ZNF761: variants seen among roughly 807,000 people sequenced by gnomAD.
ZNF761 encodes the protein zinc finger protein 761.
In ZNF761, 43 loss-of-function variants were observed where a neutral mutation model predicts 59.9. The ratio of observed to expected loss-of-function variants is 0.72; its 90% CI spans 0.56 to 0.92. The LOEUF (loss-of-function observed/expected upper bound fraction) is 0.92, where lower values mean the gene tolerates loss of function less well. Ranked by LOEUF, ZNF761 falls within the 40% of genes least tolerant of loss-of-function variation. ZNF761 has a pLI of 0.00. For synonymous variants in ZNF761, 294 were observed against 304.8 expected, an observed-to-expected ratio of 0.96 and a Z score of 0.37; for missense variants, 850 against 906.1, an observed-to-expected ratio of 0.94 and a Z score of 0.79.
chr19:53,449,886 C>T, intron 4 of ZNF761: 1 of 803,330 alleles, frequency 1.2e-6, no homozygotes, highest in South Asian at 2.1e-5. Flanking sequence ...CAGACAGGGT[C>T]TTGCTGTGTT....
chr19:53,446,873 C>T (rs1015092550), intron 2 of ZNF761, among the ~76,000 whole-genome samples: 18 of 152,192 alleles, frequency 1.2e-4, no homozygotes, highest in African/African-American at 3.9e-4. Context: ...CTATCTGCCT[C>T]AGCCTCCCAG....
chr19:53,453,283 G>A (rs1201923330), intron 4 of ZNF761, among the ~76,000 whole-genome samples: 10 of 152,106 alleles, frequency 6.6e-5, no homozygotes, highest in Non-Finnish European at 1.2e-4. Context: ...ATTACAGACC[G>A]TGCCCGGCTG....
chr19:53,435,784 A>G (rs1264479208), intron 1 of ZNF761, among the ~76,000 whole-genome samples: 1 of 152,120 alleles, frequency 6.6e-6, no homozygotes, highest in Non-Finnish European at 1.5e-5. Flanking sequence ...CAGCATGTTC[A>G]TATCCAGCAA....
In ZNF761 at chr19:53,432,609, G is replaced by A. The variant is rs556599238; in HGVS notation, c.-185+581G>A. Among the ~76,000 whole-genome samples the A allele has an allele frequency of 7.2e-4, 110 of 152,278 alleles. 1 individual carries two copies. Among genetic ancestry groups the A allele is most frequent in the Non-Finnish European group, 1.2e-3 (81 of 68,022 alleles). On this transcript the variant is annotated intron_variant, in intron 1 of 4. Coordinates refer to ENST00000684525, the MANE Select transcript of ZNF761 (RefSeq NM_001289951.2). The stretch of plus-strand genomic sequence containing the variant: ...TGCCCAGCTCCAGCCCCTGGAAAAT[G>A]CGCTCCCCCGGGATGCAGGCGTCTT...
chr19:53,436,650 A>AT (rs2086045154), intron 1 of ZNF761, among the ~76,000 whole-genome samples: 1 of 152,142 alleles, frequency 6.6e-6, no homozygotes, highest in Admixed American at 6.6e-5. Flanking sequence ...CTTCTATTTT[A>AT]TTTTTAGCAG....
At chr19:53,433,447 GGCTTCGACTTC>G (rs2085999195) in intron 1 of ZNF761, among the ~76,000 whole-genome samples, 1 of 46,294 alleles carries the variant, frequency 2.2e-5, no homozygotes, top group South Asian at 6.3e-4. Context: ...CCATTTCTTT[GGCTTCGACTTC>G]GCCAAGTCGA....
chr19:53,436,414 C>T (rs7248917), intron 1 of ZNF761, among the ~76,000 whole-genome samples: 52,543 of 151,994 alleles, frequency 0.35, 9,332 homozygotes, highest in South Asian at 0.54. Flanking sequence ...TCTTGGAGAT[C>T]ACCTTTAATT....
rs147551128 is a variant in ZNF761 at position 53,439,413 on chromosome 19, C to A, written c.-184-6814C>A. On this transcript the variant is annotated intron_variant, in intron 1 of 4. Transcript: ENST00000684525. The stretch of plus-strand genomic sequence containing the variant: ...CTCTGCCTCCCTGGTTCACGCCATT[C>A]TCCTGCCTCAGCCTCCCGAATAGGT... Among the ~76,000 whole-genome samples, 1,424 of 152,112 alleles carry A rather than the reference C, an allele frequency of 9.4e-3. 30 individuals are homozygous for A. The highest frequency in any genetic ancestry group is 0.033 in the African/African-American group (1,353 of 41,506).
intron 1 of ZNF761, chr19:53,442,939 ACAT>A: frequency 3.0e-6 from 1 of 333,250 alleles, no homozygotes; most frequent in South Asian, 2.5e-5. Context: ...TAATCAGCTC[ACAT>A]CATTTTTTTC....
At chr19:53,440,555 G>C (rs558780627) in intron 1 of ZNF761, among the ~76,000 whole-genome samples, 29 of 152,322 alleles carry the variant, frequency 1.9e-4, no homozygotes, top group African/African-American at 6.7e-4. Context: ...TATTCAGCCA[G>C]AGGGCAGTGA....
intron 1 of ZNF761, chr19:53,442,893 A>G (rs2086115012): frequency 7.5e-6 from 3 of 402,186 alleles, no homozygotes; most frequent in South Asian, 2.1e-5. Context: ...AAAAAAATAC[A>G]TAATCACTTC....
chr19:53,455,599 T>G lies in ZNF761; in HGVS notation c.1092T>G (p.Ser364Arg). 1 of 1,613,828 alleles carries G rather than the reference T, an allele frequency of 6.2e-7. No individual in the cohort carries two copies. Residue 364 changes from serine (S) to arginine (R), a missense_variant, in exon 5 of 5, where the codon AGT becomes AGG. Ser to Arg is a moderately radical substitution (Grantham distance 110). Coordinates refer to ENST00000684525, the MANE Select transcript of ZNF761 (RefSeq NM_001289951.2). The part of the protein sequence containing the change: ...YKCNECGKTF[S>R]HKSSLTCHHR... The stretch of plus-strand genomic sequence containing the variant: ...GTAATGAGTGTGGCAAGACCTTTAG[T>G]CACAAGTCATCCCTTACATGCCATC...
intron 4 of ZNF761, among the ~76,000 whole-genome samples, chr19:53,452,927 T>G (rs533822677): frequency 1.3e-5 from 2 of 152,340 alleles, no homozygotes; most frequent in South Asian, 4.1e-4. Context: ...GCATCATATT[T>G]TTTATGTTTT....
At chr19:53,453,223 C>T (rs2086236198) in intron 4 of ZNF761, among the ~76,000 whole-genome samples, 3 of 152,188 alleles carry the variant, frequency 2.0e-5, no homozygotes, top group South Asian at 2.1e-4. Flanking sequence ...AAGCTACTCT[C>T]GAACTCCTGA....
At chr19:53,454,441 C>T (rs577504314) in intron 4 of ZNF761, among the ~76,000 whole-genome samples, 1 of 152,318 alleles carries the variant, frequency 6.6e-6, no homozygotes, top group African/African-American at 2.4e-5. Context: ...TTGTCACGAT[C>T]TTGGAAATAG....
At chr19:53,442,279 T>A in intron 1 of ZNF761, 1 of 1,341,900 alleles carries the variant, frequency 7.5e-7, no homozygotes, top group Non-Finnish European at 1.1e-6. Flanking sequence ...GAAGGAGACA[T>A]GGGATGCACA....
At position 53,455,452 on chromosome 19, in the gene ZNF761, A is replaced by T; in HGVS notation, c.945A>T (p.Arg315Ser). 1 of 1,613,574 alleles carries T rather than the reference A, an allele frequency of 6.2e-7. No homozygotes were observed. Among genetic ancestry groups the T allele is most frequent in the Non-Finnish European group, 8.5e-7 (1 of 1,179,940 alleles). Residue 315 changes from arginine to serine, a missense_variant, in exon 5 of 5, where the codon AGA (arginine) becomes AGT (serine). Arg to Ser is a moderately radical substitution (Grantham distance 110, BLOSUM62 -1). Transcript: ENST00000684525. ...TCCATTTCAAATCAATACTTGAAAGACATAGGATAATTCATACTGAAGAGA... is the reference window on the plus strand; with the variant it reads ...TCCATTTCAAATCAATACTTGAAAGTCATAGGATAATTCATACTGAAGAGA... ...KAFHFKSILE[R>S]HRIIHTEEKP...
intron 1 of ZNF761, among the ~76,000 whole-genome samples, chr19:53,445,599 A>G (rs908535425): frequency 5.3e-5 from 8 of 152,130 alleles, no homozygotes; most frequent in African/African-American, 1.9e-4. Context: ...AAAATAGTGC[A>G]TGTCTTGGCG....
In ZNF761 at chr19:53,455,194, C is replaced by G; in HGVS notation, c.687C>G (p.Leu229=). Reference sequence around the variant, plus strand: ...GCAAAGCCTTTAATTACAGCTCACTCTTAAGGAAACATCAGATAATCCATT... The same window carrying G: ...GCAAAGCCTTTAATTACAGCTCACTGTTAAGGAAACATCAGATAATCCATT... ...ESGKAFNYSS[L]LRKHQIIHLA... is the part of the protein sequence containing the mutation. The change falls in exon 5 of 5, where the codon CTC becomes CTG. Residue 229 remains leucine, a synonymous_variant. Coordinates refer to ENST00000684525, the MANE Select transcript of ZNF761 (RefSeq NM_001289951.2). The G allele has an allele frequency of 6.2e-7, 1 of 1,614,190 alleles. No individual in the cohort carries two copies. The highest frequency in any genetic ancestry group is 1.3e-5 in the African/African-American group (1 of 75,060).
Sources: gnomAD v4.1 joint callset for allele counts (sites outside exome capture counted in the v4.1 genomes callset) on GRCh38, gnomAD v4.1.1 for gene constraint, MANE v1.5 for transcripts, NCBI Gene and HGNC (gene_info 2026-07-23, HGNC 2026-07-21) for gene names.